Variants in ANKS1B observed in about 807,000 individuals in gnomAD.
ANKS1B encodes the protein ankyrin repeat and sterile alpha motif domain containing 1B.
A neutral mutation model predicts 148.3 loss-of-function variants in ANKS1B; 36 were observed. That is an observed-to-expected ratio of 0.24 (90% confidence interval 0.19 to 0.32). ANKS1B has a LOEUF of 0.32. Ranked by LOEUF, ANKS1B falls within the 10% of genes least tolerant of loss-of-function variation. ANKS1B has a pLI of 1.00. For missense variants in ANKS1B, 1,157 were observed against 1,542.6 expected, an observed-to-expected ratio of 0.75 and a Z score of 4.19; for synonymous variants, 542 against 560.8, an observed-to-expected ratio of 0.97 and a Z score of 0.47.
intron 9 of ANKS1B, among the ~76,000 whole-genome samples, chr12:99,589,097 A>G (rs2097673859): frequency 6.6e-6 from 1 of 152,186 alleles, no homozygotes; most frequent in African/African-American, 2.4e-5. Flanking sequence ...AATGGTTTAG[A>G]GAGTCATCTG....
intron 11 of ANKS1B, among the ~76,000 whole-genome samples, chr12:99,427,648 G>T (rs916071259): frequency 2.1e-4 from 32 of 152,122 alleles, no homozygotes; most frequent in African/African-American, 7.2e-4. Context: ...TTGAATAGAG[G>T]CTCCTTGAGG....
chr12:99,360,259 C>A (rs1474545433), intron 12 of ANKS1B, among the ~76,000 whole-genome samples: 1 of 152,102 alleles, frequency 6.6e-6, no homozygotes, highest in African/African-American at 2.4e-5. Context: ...TCAGGTCACA[C>A]TATTTTATTA....
At chr12:99,142,556 T>C (rs1270240781) in intron 15 of ANKS1B, among the ~76,000 whole-genome samples, 1 of 152,120 alleles carries the variant, frequency 6.6e-6, no homozygotes, top group African/African-American at 2.4e-5. Flanking sequence ...TTCCCTAATA[T>C]CACAGCATTA....
intron 17 of ANKS1B, among the ~76,000 whole-genome samples, chr12:98,833,753 C>T (rs759759446): frequency 6.6e-6 from 1 of 152,126 alleles, no homozygotes; most frequent in Non-Finnish European, 1.5e-5. Context: ...TCCTCCCTCC[C>T]CTCCTTTGTC....
chr12:99,580,187 C>T (rs919479276), intron 9 of ANKS1B, among the ~76,000 whole-genome samples: 3 of 151,946 alleles, frequency 2.0e-5, no homozygotes, highest in African/African-American at 7.3e-5. Context: ...AACACTGGGG[C>T]CTACTTGAGG....
intron 3 of ANKS1B, among the ~76,000 whole-genome samples, chr12:99,810,277 T>C (rs745390295): frequency 1.3e-5 from 2 of 152,020 alleles, no homozygotes; most frequent in African/African-American, 2.4e-5. Flanking sequence ...GAGGTGAAAG[T>C]GTTTAGAACA....
intron 1 of ANKS1B, among the ~76,000 whole-genome samples, chr12:99,908,913 A>C (rs766495584): frequency 2.5e-4 from 38 of 152,010 alleles, no homozygotes; most frequent in Non-Finnish European, 3.4e-4. Context: ...CATTCTGTAC[A>C]TTGGATCTCT....
intron 14 of ANKS1B, among the ~76,000 whole-genome samples, chr12:99,221,067 C>T (rs569423011): frequency 4.6e-5 from 7 of 152,146 alleles, no homozygotes; most frequent in Admixed American, 6.5e-5. Context: ...TGGCCGGGTG[C>T]GGTGGCTCAC....
At chr12:99,187,504 C>A (rs1488149675) in intron 14 of ANKS1B, among the ~76,000 whole-genome samples, 1 of 152,148 alleles carries the variant, frequency 6.6e-6, no homozygotes, top group Non-Finnish European at 1.5e-5. Flanking sequence ...CTGCAGAAAC[C>A]TTGCAAGCCA....
At chr12:99,794,396 A>C (rs1312690747) in intron 4 of ANKS1B, among the ~76,000 whole-genome samples, 1 of 151,758 alleles carries the variant, frequency 6.6e-6, no homozygotes, top group Non-Finnish European at 1.5e-5. Context: ...CACTGTTCAC[A>C]ATAGCCAAGA....
intron 17 of ANKS1B, among the ~76,000 whole-genome samples, chr12:98,872,207 C>A (rs1417440691): frequency 6.6e-6 from 1 of 152,128 alleles, no homozygotes; most frequent in African/African-American, 2.4e-5. Context: ...TTCCCAATAC[C>A]TATGAATGAG....
intron 11 of ANKS1B, among the ~76,000 whole-genome samples, chr12:99,410,492 AC>A (rs1321261293): frequency 1.7e-4 from 26 of 152,088 alleles, no homozygotes; most frequent in African/African-American, 5.8e-4. Context: ...ACACGGTGAA[AC>A]CCCGTCTCTA....
chr12:99,579,270 AT>A (rs2153226641), intron 9 of ANKS1B, among the ~76,000 whole-genome samples: 1 of 152,280 alleles, frequency 6.6e-6, no homozygotes, highest in East Asian at 1.9e-4. Flanking sequence ...GGGACGTATC[AT>A]TTTGGACATA....
At chr12:98,905,058 G>A (rs903688374) in intron 17 of ANKS1B, among the ~76,000 whole-genome samples, 6 of 151,994 alleles carry the variant, frequency 3.9e-5, no homozygotes, top group African/African-American at 1.2e-4. Flanking sequence ...ACATTGACAT[G>A]GTATCTGGAT....
chr12:99,556,264 G>T (rs2097275044), intron 9 of ANKS1B, among the ~76,000 whole-genome samples: 1 of 151,992 alleles, frequency 6.6e-6, no homozygotes, highest in African/African-American at 2.4e-5. Flanking sequence ...TTTCTGTGGG[G>T]GTCAGTAGTA....
intron 12 of ANKS1B, among the ~76,000 whole-genome samples, chr12:99,348,036 G>A (rs2090953033): frequency 6.6e-6 from 1 of 151,922 alleles, no homozygotes; most frequent in Non-Finnish European, 1.5e-5. Context: ...AAATGTACAA[G>A]TATAATACTG....
At chr12:98,804,157 A>C (rs1181012797) in intron 20 of ANKS1B, among the ~76,000 whole-genome samples, 7 of 152,198 alleles carry the variant, frequency 4.6e-5, no homozygotes, top group Non-Finnish European at 1.0e-4. Context: ...AAGGTGGGAG[A>C]TAATTACAAG....
Position 99,087,858 on chromosome 12 carries a change from T to C in ANKS1B, c.2527-2835A>G, listed in dbSNP as rs144927918. Among the ~76,000 whole-genome samples the C allele has an allele frequency of 4.1e-4, 63 of 152,342 alleles. 1 individual carries two copies. The highest frequency in any genetic ancestry group is 1.6e-3 in the Admixed American group (25 of 15,302). ...CAACTGGATTTCAGTGTTTGAATAC[T>C]GAAATGTTTTGGTAAATTAAATCCT... is the stretch of plus-strand genomic sequence containing the variant. On this transcript the variant is annotated intron_variant, in intron 15 of 26. Transcript: ENST00000683438.
intron 17 of ANKS1B, among the ~76,000 whole-genome samples, chr12:98,908,071 G>C (rs2099781842): frequency 6.6e-6 from 1 of 152,144 alleles, no homozygotes. Context: ...TGGTGACTCT[G>C]CATGAGTCTT....
Sources: allele counts gnomAD v4.1 joint callset (sites outside exome capture counted in the v4.1 genomes callset), GRCh38; gene constraint gnomAD v4.1.1; transcripts MANE v1.5; gene names NCBI Gene and HGNC (gene_info 2026-07-23, HGNC 2026-07-21).